The following GALNT1 variants were observed in gnomAD, a reference collection of about 807,000 sequenced individuals.
The protein encoded by GALNT1 is polypeptide N-acetylgalactosaminyltransferase 1, also known as GalNAc transferase 1.
A neutral mutation model predicts 65.7 loss-of-function variants in GALNT1; 17 were observed. That is an observed-to-expected ratio of 0.26 (90% CI 0.18 to 0.39). The LOEUF is 0.39. GALNT1 is among the 10% of genes least tolerant of loss of function. The pLI, the probability that GALNT1 is intolerant of heterozygous loss-of-function variation, is 1.00. For missense variants in GALNT1, 460 were observed against 672.8 expected (o/e 0.68, Z 3.50); for synonymous variants, 210 against 219.7 (o/e 0.96, Z 0.39).
intron 1 of GALNT1, among the ~76,000 whole-genome samples, chr18:35,646,773 T>C (rs1410679613): frequency 6.6e-6 from 1 of 152,206 alleles, no homozygotes; most frequent in Admixed American, 6.5e-5. Context: ...CAGAGTAGCA[T>C]AAGTCAAGGG....
At chr18:35,628,535 A>G (rs2046953441) in intron 1 of GALNT1, among the ~76,000 whole-genome samples, 1 of 152,220 alleles carries the variant, frequency 6.6e-6, no homozygotes, top group African/African-American at 2.4e-5. Context: ...ACTAACAAAC[A>G]GAAAGGACAA....
chr18:35,582,363 T>C (rs1024880442), intron 1 of GALNT1, among the ~76,000 whole-genome samples: 3 of 152,206 alleles, frequency 2.0e-5, no homozygotes, highest in African/African-American at 7.2e-5. Context: ...TAGTAGCTTT[T>C]CCGCTTTTCC....
rs770648350 is a variant in GALNT1, at chr18:35,691,113, G to C, written c.1080G>C (p.Gln360His). ...ACACGTTTCCAGGAGGCACAGGGCAGATTATCAATAAAAATAACAGACGAC... is the reference window on the plus strand; with the variant it reads ...ACACGTTTCCAGGAGGCACAGGGCACATTATCAATAAAAATAACAGACGAC... ...TPYTFPGGTGQIINKNNRRLA... is the reference protein window; with the variant it reads ...TPYTFPGGTGHIINKNNRRLA... The change falls in exon 8 of 12, where the codon CAG (glutamine) becomes CAC (histidine). Residue 360 changes from glutamine (Q) to histidine (H), a missense_variant. Coordinates refer to ENST00000269195, the MANE Select transcript of GALNT1 (RefSeq NM_020474.4). The C allele has an allele frequency of 2.5e-6, 4 of 1,613,232 alleles. No homozygotes were observed. In the South Asian group the frequency reaches 3.3e-5, roughly 13 times the overall value.
At chr18:35,616,717 G>T (rs567936226) in intron 1 of GALNT1, among the ~76,000 whole-genome samples, 1 of 151,962 alleles carries the variant, frequency 6.6e-6, no homozygotes, top group Non-Finnish European at 1.5e-5. Context: ...CCAGTGTCAC[G>T]TAATCTTTCT....
chr18:35,699,362 T>C (rs945788552), intron 9 of GALNT1, among the ~76,000 whole-genome samples: 1 of 152,128 alleles, frequency 6.6e-6, no homozygotes, highest in Non-Finnish European at 1.5e-5. Context: ...CTGCCTTTTA[T>C]TTAAGGGTTC....
At chr18:35,656,702 C>T (rs2047392374) in intron 2 of GALNT1, among the ~76,000 whole-genome samples, 1 of 152,202 alleles carries the variant, frequency 6.6e-6, no homozygotes, top group Admixed American at 6.5e-5. Flanking sequence ...CGGCATGGCG[C>T]TGAAGCACTT....
chr18:35,618,015 T>A (rs2046806459), intron 1 of GALNT1, among the ~76,000 whole-genome samples: 1 of 151,950 alleles, frequency 6.6e-6, no homozygotes, highest in African/African-American at 2.4e-5. Flanking sequence ...GGTTTCATCT[T>A]TTAAGACTGC....
At chr18:35,659,894 G>T (rs1165593286) in intron 2 of GALNT1, 1 of 152,180 alleles carries the variant, frequency 6.6e-6, no homozygotes, top group East Asian at 1.9e-4. Context: ...AAATTGACAA[G>T]GATGTTGAAG....
chr18:35,668,257 GA>G (rs1233342124), intron 3 of GALNT1, among the ~76,000 whole-genome samples: 1 of 151,850 alleles, frequency 6.6e-6, no homozygotes, highest in Non-Finnish European at 1.5e-5. Context: ...AAGTTCATGG[GA>G]AAAAATGATT....
At chr18:35,677,857 T>C in intron 4 of GALNT1, 100 bp downstream of exon 4, 4 of 843,904 alleles carry the variant, frequency 4.7e-6, no homozygotes, top group Non-Finnish European at 6.7e-6. Context: ...TTATACAAAA[T>C]TCTAATTTAT....
intron 3 of GALNT1, among the ~76,000 whole-genome samples, chr18:35,671,104 C>CT (rs199882024): frequency 0.011 from 1,709 of 151,618 alleles, 105 homozygotes; most frequent in Admixed American, 0.1. Flanking sequence ...GATGGCTGGA[C>CT]TTTTTTTTTC....
In GALNT1 at chr18:35,673,781, C is replaced by CCAAG. The variant is rs777389836; in HGVS notation, c.315-3808_315-3805dup. Among the ~76,000 whole-genome samples the CCAAG allele has an allele frequency of 1.2e-4, 19 of 152,260 alleles. 1 individual carries two copies. The East Asian group carries it at 3.3e-3, about 26-fold the overall frequency. On this transcript the variant is annotated intron_variant, in intron 3 of 11. Coordinates refer to ENST00000269195, the MANE Select transcript of GALNT1 (RefSeq NM_020474.4). ...TGAAAAATATTAGTAATAGTAAATA[C>CCAAG]CAAGCGACTTCTGTAGTTCTGTATT...
chr18:35,600,915 C>T (rs988641075), intron 1 of GALNT1, among the ~76,000 whole-genome samples: 1 of 151,796 alleles, frequency 6.6e-6, no homozygotes, highest in Non-Finnish European at 1.5e-5. Flanking sequence ...TTGTTGTGTC[C>T]TTGTCTGTTT....
At chr18:35,648,319 G>A (rs953480704) in intron 1 of GALNT1, among the ~76,000 whole-genome samples, 7 of 152,200 alleles carry the variant, frequency 4.6e-5, no homozygotes, top group Non-Finnish European at 8.8e-5. Context: ...TGTGTTAGAT[G>A]ATTTTGCACA....
intron 11 of GALNT1, 60 bp from the exon 12 acceptor site, chr18:35,709,564 A>G: frequency 6.3e-7 from 1 of 1,576,174 alleles, no homozygotes; most frequent in Non-Finnish European, 8.7e-7. Context: ...AATCACCAAA[A>G]CTGATGCTTG....
intron 1 of GALNT1, among the ~76,000 whole-genome samples, chr18:35,590,960 C>T (rs1785204015): frequency 6.6e-6 from 1 of 152,058 alleles, no homozygotes; most frequent in Non-Finnish European, 1.5e-5. Flanking sequence ...GGAGAGTAGC[C>T]GTGAGAGTTT....
intron 3 of GALNT1, among the ~76,000 whole-genome samples, chr18:35,670,896 G>T (rs758741081): frequency 1.3e-5 from 2 of 152,106 alleles, no homozygotes; most frequent in Admixed American, 6.6e-5. Flanking sequence ...AATGAATGAC[G>T]CTGGGTCAAC....
At chr18:35,605,571 A>G (rs1298782087) in intron 1 of GALNT1, among the ~76,000 whole-genome samples, 2 of 151,172 alleles carry the variant, frequency 1.3e-5, no homozygotes, top group Non-Finnish European at 2.9e-5. Context: ...TAAAACTCTT[A>G]GATCTCCCTC....
upstream of GALNT1, among the ~76,000 whole-genome samples, chr18:35,581,525 G>A (rs1445632191): frequency 2.2e-3 from 1 of 454 alleles, no homozygotes; most frequent in African/African-American, 9.8e-3. Flanking sequence ...GACCGCGCCC[G>A]AGCGCCTGCG....
Sources: gnomAD v4.1 joint callset for allele counts (sites outside exome capture counted in the v4.1 genomes callset) on GRCh38, gnomAD v4.1.1 for gene constraint, MANE v1.5 for transcripts, NCBI Gene and HGNC (gene_info 2026-07-23, HGNC 2026-07-21) for gene names.